The following DOCK1 variants were observed in gnomAD, a reference collection of about 807,000 sequenced individuals.
DOCK1 encodes dedicator of cytokinesis 1.
Under a neutral mutation model 262.7 loss-of-function variants are expected in DOCK1, and 138 were observed. That is an observed-to-expected ratio of 0.53 (90% confidence interval 0.46 to 0.61). The LOEUF (loss-of-function observed/expected upper bound fraction) is 0.61. Ranked by LOEUF, DOCK1 falls within the 20% of genes least tolerant of loss-of-function variation. DOCK1 has a pLI of 0.00. For missense variants in DOCK1, 1,908 were observed against 2,370.7 expected, an observed-to-expected ratio of 0.80 and a Z score of 4.05; for synonymous variants, 866 against 867.4, an observed-to-expected ratio of 1.00 and a Z score of 0.03.
chr10:127,110,389 GTTAT>G (rs2048793999), intron 25 of DOCK1, 35 bp downstream of exon 25: 2 of 1,567,652 alleles, frequency 1.3e-6, no homozygotes, highest in East Asian at 2.3e-5. Flanking sequence ...CACTTGTCCT[GTTAT>G]TTATTTTCTG....
intron 4 of DOCK1, among the ~76,000 whole-genome samples, chr10:126,985,937 C>T (rs570972334): frequency 2.8e-4 from 43 of 152,186 alleles, no homozygotes; most frequent in African/African-American, 9.4e-4. Context: ...TTCCGTCTCC[C>T]GGGTTCAAGT....
chr10:127,075,191 AAAAAAAAAG>A (rs1307452349), intron 23 of DOCK1, among the ~76,000 whole-genome samples: 158 of 137,414 alleles, frequency 1.1e-3, no homozygotes, highest in African/African-American at 4.1e-3. Context: ...AAAAAAAAAA[AAAAAAAAAG>A]GAGAGTTGTT....
At chr10:127,174,855 CTTATTTAGAATAGATAT>C (rs2054930528) in intron 27 of DOCK1, among the ~76,000 whole-genome samples, 1 of 152,176 alleles carries the variant, frequency 6.6e-6, no homozygotes, top group Non-Finnish European at 1.5e-5. Flanking sequence ...TGATTCTCTT[CTTATTTAGAATAGATAT>C]TTTGGACTGG....
intron 29 of DOCK1, among the ~76,000 whole-genome samples, chr10:127,329,668 G>T (rs909016593): frequency 6.6e-6 from 1 of 152,072 alleles, no homozygotes; most frequent in African/African-American, 2.4e-5. Flanking sequence ...CCTGATGTTC[G>T]CTGCTGGACA....
chr10:127,305,634 C>T (rs1017341500), intron 29 of DOCK1, among the ~76,000 whole-genome samples: 4 of 152,138 alleles, frequency 2.6e-5, no homozygotes, highest in African/African-American at 9.7e-5. Flanking sequence ...CAGGGAGGAA[C>T]AGTGACTGTA....
At chr10:127,400,129 G>A (rs2067135782) in intron 38 of DOCK1, among the ~76,000 whole-genome samples, 1 of 148,594 alleles carries the variant, frequency 6.7e-6, no homozygotes, top group Admixed American at 6.7e-5. Flanking sequence ...CTTTTATTTT[G>A]TTATTCAAAG....
chr10:127,406,528 A>G (rs906227390), intron 40 of DOCK1, among the ~76,000 whole-genome samples: 9 of 152,230 alleles, frequency 5.9e-5, no homozygotes, highest in South Asian at 2.1e-4. Flanking sequence ...CAATCTGCCA[A>G]TGACACTGGC....
intron 1 of DOCK1, among the ~76,000 whole-genome samples, chr10:126,943,998 C>T (rs2035208349): frequency 6.6e-6 from 1 of 151,598 alleles, no homozygotes; most frequent in African/African-American, 2.4e-5. Flanking sequence ...GGGTCCAGAG[C>T]TATATCAGAT....
rs537070865 is a variant in DOCK1 at position 126,913,287 on chromosome 10, G to A, written c.46+7724G>A. ...CACATCCTGCTTGGACTTAATTCCA[G>A]TTTCTTACCATTTATGTTTTTGTAG... On this transcript the variant is annotated intron_variant, in intron 1 of 51. Coordinates refer to ENST00000623213, the MANE Select transcript of DOCK1 (RefSeq NM_001290223.2). Among the ~76,000 whole-genome samples, 5 of 145,034 alleles carry A rather than the reference G, an allele frequency of 3.4e-5. No homozygotes were observed. The East Asian group carries it at 1.0e-3, about 30-fold the overall frequency.
chr10:126,951,851 C>CTTT (rs2036278262), intron 1 of DOCK1, among the ~76,000 whole-genome samples: 8 of 86,540 alleles, frequency 9.2e-5, no homozygotes, highest in Non-Finnish European at 1.7e-4. Context: ...TCAGCCTCTT[C>CTTT]ATTTTTTTTT....
chr10:126,912,588 T>C (rs1164403258), intron 1 of DOCK1, among the ~76,000 whole-genome samples: 1 of 151,000 alleles, frequency 6.6e-6, no homozygotes, highest in Non-Finnish European at 1.5e-5. Flanking sequence ...TAGCCGGGCG[T>C]GGTGGCGGGC....
chr10:126,957,955 G>A (rs2036881194), intron 1 of DOCK1, among the ~76,000 whole-genome samples: 2 of 152,208 alleles, frequency 1.3e-5, no homozygotes, highest in African/African-American at 4.8e-5. Context: ...AGCAGAAGAA[G>A]TCAGACATAA....
intron 1 of DOCK1, among the ~76,000 whole-genome samples, chr10:126,966,111 A>T (rs36142223): frequency 1.3e-5 from 2 of 152,010 alleles, no homozygotes; most frequent in African/African-American, 4.8e-5. Flanking sequence ...GAGTGAGAAC[A>T]TGTGGTGTTT....
At chr10:126,933,418 C>T (rs981067018) in intron 1 of DOCK1, among the ~76,000 whole-genome samples, 3 of 152,156 alleles carry the variant, frequency 2.0e-5, no homozygotes, top group African/African-American at 4.8e-5. Context: ...CTGGGCCCTT[C>T]GGTGTCCTCT....
intron 27 of DOCK1, among the ~76,000 whole-genome samples, chr10:127,181,745 T>C (rs2055756056): frequency 6.6e-6 from 1 of 152,024 alleles, no homozygotes; most frequent in African/African-American, 2.4e-5. Flanking sequence ...CACCACCGGC[T>C]TCCACCGGAA....
At chr10:127,170,272 C>G (rs557303984) in intron 27 of DOCK1, among the ~76,000 whole-genome samples, 2 of 152,104 alleles carry the variant, frequency 1.3e-5, no homozygotes, top group East Asian at 3.9e-4. Flanking sequence ...CACAAAGCCC[C>G]GAAGCCTCAG....
In DOCK1 at chr10:126,995,439, G is replaced by C. The variant is rs1324941311; in HGVS notation, c.474-1309G>C. Among the ~76,000 whole-genome samples the C allele has an allele frequency of 6.6e-6, 1 of 152,224 alleles. No individual in the cohort carries two copies. The highest frequency in any genetic ancestry group is 1.5e-5 in the Non-Finnish European group (1 of 68,038). The stretch of plus-strand genomic sequence containing the variant: ...AGATCACTCACGGTCAGGAGCTGGA[G>C]ACCAGCCGGGCCAACCCGGTGAAAC... On this transcript the variant is annotated intron_variant, in intron 6 of 51. Transcript: ENST00000623213. This position sits in a 1 kb window ranked among gnomAD's most constrained non-coding sequence, Gnocchi z 5.8.
At chr10:127,349,386 C>G (rs2063780908) in intron 31 of DOCK1, among the ~76,000 whole-genome samples, 1 of 152,136 alleles carries the variant, frequency 6.6e-6, no homozygotes. Context: ...TCTCAGGACT[C>G]TCCTGAGCTT....
In DOCK1 at chr10:127,419,705, G is replaced by T. The variant is rs976087948; in HGVS notation, c.4732G>T (p.Ala1578Ser). The T allele has an allele frequency of 2.5e-6, 4 of 1,605,848 alleles. No individual in the cohort carries two copies. Among genetic ancestry groups the T allele is most frequent in the Admixed American group, 1.7e-5 (1 of 59,264 alleles). The stretch of plus-strand genomic sequence containing the variant: ...CCGGTACCTGCAGGAGCACCCTGAG[G>T]CCCATGAAAAGATCGAGAAGCTCAA... Reference protein sequence around the residue: ...TDRYLQEHPEAHEKIEKLKDL... With the variant: ...TDRYLQEHPESHEKIEKLKDL... The change falls in exon 46 of 52, where the codon GCC becomes TCC. Residue 1578 changes from alanine (A) to serine (S), a missense_variant. By Grantham distance (99) the Ala-to-Ser change is moderately conservative. Around this residue, in one of 9 missense-constraint regions of DOCK1, gnomAD observed 383 missense variants for 420.1 expected, o/e 0.91. Coordinates refer to ENST00000623213, the MANE Select transcript of DOCK1 (RefSeq NM_001290223.2).
Sources: gnomAD v4.1 joint callset for allele counts (sites outside exome capture counted in the v4.1 genomes callset) on GRCh38, gnomAD v4.1.1 for gene constraint, gnomAD v4.1.1 regional missense constraint, Gnocchi (gnomAD v3.1) non-coding constraint, MANE v1.5 for transcripts, NCBI Gene and HGNC (gene_info 2026-07-23, HGNC 2026-07-21) for gene names.